Variants in OCA2 observed in about 807,000 individuals in gnomAD.
The protein encoded by OCA2 is OCA2 melanosomal transmembrane protein, also known as P protein.
A neutral mutation model predicts 100.2 loss-of-function variants in OCA2; 77 were observed. The ratio of observed to expected loss-of-function variants is 0.77; its 90% confidence interval spans 0.64 to 0.93. The LOEUF (loss-of-function observed/expected upper bound fraction) is 0.93. OCA2 is among the 40% of genes least tolerant of loss of function. The probability of loss-of-function intolerance (pLI) is 0.00; values close to 1 mark genes in which losing one functional copy is unlikely to be tolerated. For synonymous variants in OCA2, 432 were observed against 439.2 expected (o/e 0.98, Z 0.21); for missense variants, 1,062 against 1,089.1 (o/e 0.98, Z 0.35).
At chr15:28,009,647 C>G (rs148405555) in intron 9 of OCA2, among the ~76,000 whole-genome samples, 2,028 of 150,840 alleles carry the variant, frequency 0.013, 43 homozygotes, top group African/African-American at 0.047. Context: ...GAGATTGCGC[C>G]ACTGCACTCC....
At chr15:27,915,874 T>G (rs1474411922) in intron 19 of OCA2, among the ~76,000 whole-genome samples, 1 of 152,186 alleles carries the variant, frequency 6.6e-6, no homozygotes, top group African/African-American at 2.4e-5. Flanking sequence ...TAAATCATTC[T>G]ACCACAAAGA....
chr15:27,821,582 TG>T lies in OCA2; in HGVS notation c.2432+23376del, dbSNP rs561296247. ...TCACACACACACAATCATGCAGACA[TG>T]GGCCACACGTGTGTGCATCCACACT... On this transcript the variant is annotated intron_variant, in intron 23 of 23. Transcript: ENST00000354638. Among the ~76,000 whole-genome samples, 231 of 151,716 alleles carry T rather than the reference TG, an allele frequency of 1.5e-3. 1 individual carries two copies. The highest frequency in any genetic ancestry group is 3.4e-3 in the Middle Eastern group (1 of 294).
At chr15:27,784,142 T>C (rs1334742463) in intron 23 of OCA2, among the ~76,000 whole-genome samples, 2 of 152,234 alleles carry the variant, frequency 1.3e-5, no homozygotes, top group Admixed American at 1.3e-4. Context: ...GTAATCACTT[T>C]AGGGTGAACG....
At chr15:28,067,226 A>G (rs1028294556) in intron 2 of OCA2, among the ~76,000 whole-genome samples, 10 of 152,234 alleles carry the variant, frequency 6.6e-5, no homozygotes, top group African/African-American at 1.7e-4. Context: ...ATGCCATTCC[A>G]ATAAAAATCC....
At chr15:27,725,603 C>T in the OCA2 span, among the ~76,000 whole-genome samples, 8 of 152,052 alleles carry the variant, frequency 5.3e-5, no homozygotes, top group Admixed American at 1.3e-4. Context: ...AAAAAACCTA[C>T]GTTTCTCAAC....
At chr15:27,847,197 T>G (rs1239965388) in intron 22 of OCA2, among the ~76,000 whole-genome samples, 1 of 152,188 alleles carries the variant, frequency 6.6e-6, no homozygotes, top group Non-Finnish European at 1.5e-5. Flanking sequence ...CTTTAAAGAA[T>G]GCTTTACGGG....
At chr15:27,880,694 T>C (rs902332725) in intron 19 of OCA2, among the ~76,000 whole-genome samples, 3 of 152,208 alleles carry the variant, frequency 2.0e-5, no homozygotes, top group Admixed American at 6.5e-5. Context: ...CCTGTGATTC[T>C]TGCACATTGT....
chr15:27,871,367 C>T (rs535028570), intron 20 of OCA2, 109 bp from the exon 21 acceptor site: 3 of 788,218 alleles, frequency 3.8e-6, no homozygotes, highest in African/African-American at 1.7e-5. Context: ...TTCCTCTTAC[C>T]CATCACGAGA....
intron 1 of OCA2, among the ~76,000 whole-genome samples, chr15:28,091,303 C>A (rs1267492318): frequency 6.6e-6 from 1 of 152,092 alleles, no homozygotes; most frequent in African/African-American, 2.4e-5. Flanking sequence ...ATGAGGTATA[C>A]CTCATCAGTG....
rs116256936 is a variant in OCA2, at chr15:27,946,982, G to A, written c.1951+4802C>T. Reference sequence around the variant, plus strand: ...GGAGTGCCGCTCAGAGAGGCCAGGAGGACCCTGGACAGACAGGCCCTGCTG... The same window carrying A: ...GGAGTGCCGCTCAGAGAGGCCAGGAAGACCCTGGACAGACAGGCCCTGCTG... On this transcript the variant is annotated intron_variant, in intron 18 of 23. Transcript: ENST00000354638. Among the ~76,000 whole-genome samples the A allele has an allele frequency of 5.2e-3, 798 of 152,304 alleles. 13 individuals are homozygous for A. Among genetic ancestry groups the A allele is most frequent in the African/African-American group, 0.018 (760 of 41,574 alleles).
rs978904429 is a variant in OCA2, at chr15:27,949,302, G to A, written c.1951+2482C>T. ...TTACATGATGTACATCGTGTGATAC[G>A]ACATCATTTCATATCATATGACATC... On this transcript the variant is annotated intron_variant, in intron 18 of 23. Transcript: ENST00000354638. 2.6e-5 allele frequency among the ~76,000 whole-genome samples: 4 copies of A among 152,152 alleles called. No individual in the cohort carries two copies. The South Asian group carries it at 6.2e-4, about 24-fold the overall frequency.
Position 27,848,646 on chromosome 15 carries a change from T to C in OCA2, c.2338+2736A>G, listed in dbSNP as rs377117352. On this transcript the variant is annotated intron_variant, in intron 22 of 23. Coordinates refer to ENST00000354638, the MANE Select transcript of OCA2 (RefSeq NM_000275.3). ...TTCAAAACCATGCCTGGCTCTGTTT[T>C]TGATGAATGCTGCACACAAAGAATC... 7.2e-5 allele frequency among the ~76,000 whole-genome samples: 11 copies of C among 152,368 alleles called. No homozygotes were observed. The South Asian group carries it at 1.9e-3, about 26-fold the overall frequency.
At position 27,779,508 on chromosome 15, in the gene OCA2, A is replaced by G. The variant is rs796198464; in HGVS notation, c.2433-24036T>C. ...GGTGGATTGACCCTTTCATCATTAT[A>G]TGGCATCTTTCTTTGTCTCTTGTGA... On this transcript the variant is annotated intron_variant, in intron 23 of 23. Transcript: ENST00000354638. Among the ~76,000 whole-genome samples the G allele has an allele frequency of 2.0e-4, 31 of 152,302 alleles. 1 individual carries two copies. The highest frequency in any genetic ancestry group is 7.0e-4 in the African/African-American group (29 of 41,564).
At chr15:27,975,972 T>C (rs1177506889) in intron 14 of OCA2, among the ~76,000 whole-genome samples, 1 of 152,164 alleles carries the variant, frequency 6.6e-6, no homozygotes. Context: ...GTTTTGTAGT[T>C]TTCAGTATAT....
chr15:27,903,052 G>A (rs1454519668), intron 19 of OCA2, among the ~76,000 whole-genome samples: 2 of 152,202 alleles, frequency 1.3e-5, no homozygotes, highest in Non-Finnish European at 2.9e-5. Flanking sequence ...GGAGGCCAAG[G>A]GGAAGGAGAG....
chr15:27,749,631 A>G, the OCA2 span, among the ~76,000 whole-genome samples: 1 of 129,926 alleles, frequency 7.7e-6, no homozygotes, highest in African/African-American at 2.9e-5. Context: ...TAATAAGTGA[A>G]CTCAGCAAGG....
At chr15:27,948,590 C>T (rs943516210) in intron 18 of OCA2, among the ~76,000 whole-genome samples, 22 of 152,198 alleles carry the variant, frequency 1.4e-4, no homozygotes, top group African/African-American at 5.3e-4. Context: ...CTCAGCCTCC[C>T]AAGTAGCTGA....
chr15:27,808,481 T>C (rs987789679), intron 23 of OCA2, among the ~76,000 whole-genome samples: 1 of 152,198 alleles, frequency 6.6e-6, no homozygotes, highest in Non-Finnish European at 1.5e-5. Flanking sequence ...TGTCTCAAGA[T>C]GGAATGGGCT....
At chr15:27,794,398 GA>G (rs1429699293) in intron 23 of OCA2, among the ~76,000 whole-genome samples, 2 of 152,134 alleles carry the variant, frequency 1.3e-5, no homozygotes, top group African/African-American at 4.8e-5. Flanking sequence ...TGGAAATTTT[GA>G]GGCAGATTTT....
Sources: gnomAD v4.1 joint callset for allele counts (sites outside exome capture counted in the v4.1 genomes callset) on GRCh38, gnomAD v4.1.1 for gene constraint, MANE v1.5 for transcripts, NCBI Gene and HGNC (gene_info 2026-07-23, HGNC 2026-07-21) for gene names.